Variants in ITFG1 observed in about 807,000 individuals in gnomAD.
ITFG1 encodes the protein T-cell immunomodulatory protein.
In ITFG1, 34 loss-of-function variants were observed where a neutral mutation model predicts 81.8. The ratio of observed to expected loss-of-function variants is 0.42; its 90% CI spans 0.32 to 0.55. The LOEUF (loss-of-function observed/expected upper bound fraction) is 0.55, where lower values mean the gene tolerates loss of function less well. ITFG1 is among the 20% of genes least tolerant of loss of function. The probability of loss-of-function intolerance (pLI) is 0.17; values close to 1 mark genes in which losing one functional copy is unlikely to be tolerated. For missense variants in ITFG1, 672 were observed against 755.4 expected, an observed-to-expected ratio of 0.89 and a Z score of 1.29; for synonymous variants, 285 against 270.6, an observed-to-expected ratio of 1.05 and a Z score of -0.52.
At chr16:47,208,882 A>G (rs1190339288) in intron 14 of ITFG1, among the ~76,000 whole-genome samples, 2 of 152,194 alleles carry the variant, frequency 1.3e-5, no homozygotes, top group African/African-American at 4.8e-5. Flanking sequence ...TTCCATGAGT[A>G]CAATGCAGGG....
Position 47,461,035 on chromosome 16 carries a change from G to A in ITFG1, c.11C>T (p.Ala4Val). 1.2e-5 allele frequency: 19 copies of A among 1,540,564 alleles called. No individual in the cohort carries two copies. Among genetic ancestry groups the A allele is most frequent in the Non-Finnish European group, 1.7e-5 (19 of 1,145,448 alleles). The change falls in exon 1 of 18, where the codon GCG becomes GTG. Residue 4 changes from alanine to valine, a missense_variant. Ala to Val is a moderately conservative substitution (Grantham distance 64). Coordinates refer to ENST00000320640, the MANE Select transcript of ITFG1 (RefSeq NM_030790.5). ...GGCCCAGGAGCTCGGGAGCCGGCCC[G>A]CCGCCGCCATGGCAGCCCCTCAGCC... MAAAGRLPSSWALF... is the reference protein window; with the variant it reads MAAVGRLPSSWALF...
chr16:47,439,038 G>A (rs912634184), intron 5 of ITFG1, among the ~76,000 whole-genome samples: 1 of 152,166 alleles, frequency 6.6e-6, no homozygotes, highest in Non-Finnish European at 1.5e-5. Flanking sequence ...CGTGACGAAT[G>A]CACAAGCCTC....
intron 6 of ITFG1, among the ~76,000 whole-genome samples, chr16:47,424,680 C>T (rs1263797257): frequency 6.6e-6 from 1 of 152,130 alleles, no homozygotes; most frequent in Non-Finnish European, 1.5e-5. Flanking sequence ...TTCCTTCTAA[C>T]AGTCAGGCCC....
intron 10 of ITFG1, among the ~76,000 whole-genome samples, chr16:47,297,183 T>A (rs1261826095): frequency 6.6e-6 from 1 of 152,198 alleles, no homozygotes; most frequent in Non-Finnish European, 1.5e-5. Flanking sequence ...TGACATTCTT[T>A]CTTTTTTACT....
At chr16:47,362,781 A>C in intron 8 of ITFG1, among the ~76,000 whole-genome samples, 1 of 152,174 alleles carries the variant, frequency 6.6e-6, no homozygotes, top group Middle Eastern at 3.2e-3. Context: ...AATGAAATGC[A>C]GTTTGGTTTC....
At chr16:47,216,235 T>C (rs1256810409) in intron 14 of ITFG1, among the ~76,000 whole-genome samples, 1 of 152,166 alleles carries the variant, frequency 6.6e-6, no homozygotes, top group East Asian at 1.9e-4. Flanking sequence ...AGTTTTGTTC[T>C]TGTCACCTAG....
chr16:47,278,165 G>A (rs1197474960), intron 10 of ITFG1, among the ~76,000 whole-genome samples: 3 of 152,118 alleles, frequency 2.0e-5, no homozygotes, highest in African/African-American at 4.8e-5. Flanking sequence ...CTTACTTAAC[G>A]GAGATTACAA....
chr16:47,156,810 G>A (rs182961539), intron 17 of ITFG1, among the ~76,000 whole-genome samples: 44 of 152,314 alleles, frequency 2.9e-4, no homozygotes, highest in African/African-American at 9.6e-4. Context: ...TAAAAAATAC[G>A]ACTGTGGAGT....
chr16:47,236,524 C>T (rs1261803862), intron 13 of ITFG1, among the ~76,000 whole-genome samples: 1 of 151,288 alleles, frequency 6.6e-6, no homozygotes, highest in Non-Finnish European at 1.5e-5. Flanking sequence ...CTATACAGCC[C>T]TTCCTATCAA....
chr16:47,354,928 C>T (rs1012667443), intron 8 of ITFG1, among the ~76,000 whole-genome samples: 20 of 151,974 alleles, frequency 1.3e-4, no homozygotes, highest in African/African-American at 4.3e-4. Context: ...GGAACCCTGA[C>T]ATATTGTTGG....
intron 8 of ITFG1, among the ~76,000 whole-genome samples, chr16:47,352,260 A>C (rs1220587443): frequency 3.9e-5 from 6 of 152,362 alleles, no homozygotes; most frequent in African/African-American, 1.4e-4. Flanking sequence ...CCACCATCAG[A>C]GTGAACAGGC....
intron 10 of ITFG1, among the ~76,000 whole-genome samples, chr16:47,294,288 T>A (rs1182022288): frequency 6.6e-6 from 1 of 152,166 alleles, no homozygotes; most frequent in Non-Finnish European, 1.5e-5. Context: ...TGAGATAAGA[T>A]AATATGATGA....
intron 6 of ITFG1, among the ~76,000 whole-genome samples, chr16:47,384,040 C>G (rs747335786): frequency 5.9e-5 from 9 of 152,180 alleles, no homozygotes; most frequent in Non-Finnish European, 1.0e-4. Flanking sequence ...ATGATGGACT[C>G]CTAGTCATGG....
At chr16:47,220,147 C>T (rs1965674610) in intron 13 of ITFG1, among the ~76,000 whole-genome samples, 1 of 152,242 alleles carries the variant, frequency 6.6e-6, no homozygotes, top group Admixed American at 6.5e-5. Context: ...CACCTATCAT[C>T]ACAGGCCAGT....
chr16:47,224,168 C>G (rs1310114206), intron 13 of ITFG1, among the ~76,000 whole-genome samples: 1 of 152,064 alleles, frequency 6.6e-6, no homozygotes, highest in East Asian at 1.9e-4. Context: ...ACATATGTAA[C>G]AAACCTGCAC....
rs532152407 is a variant in ITFG1 at position 47,396,783 on chromosome 16, C to T, written c.656-20843G>A. ...GCAGGGAGGGCACTTAAGCATGTAA[C>T]CTAGAGGGATAAGGGGTGGTAGTAG... is the stretch of plus-strand genomic sequence containing the variant. On this transcript the variant is annotated intron_variant, in intron 6 of 17. Transcript: ENST00000320640. Among the ~76,000 whole-genome samples, 134 of 152,106 alleles carry T rather than the reference C, an allele frequency of 8.8e-4. 1 individual carries two copies. Among genetic ancestry groups the T allele is most frequent in the African/African-American group, 3.2e-3 (133 of 41,494 alleles).
intron 17 of ITFG1, among the ~76,000 whole-genome samples, chr16:47,156,834 T>C (rs1255749574): frequency 6.6e-6 from 1 of 152,180 alleles, no homozygotes; most frequent in African/African-American, 2.4e-5. Flanking sequence ...ATGGAAGTCA[T>C]ATGCAGGCCA....
chr16:47,458,360 A>G (rs1969479643), intron 2 of ITFG1, among the ~76,000 whole-genome samples: 1 of 152,142 alleles, frequency 6.6e-6, no homozygotes, highest in African/African-American at 2.4e-5. Flanking sequence ...CCCAAAATTG[A>G]ACTTCCAAGT....
intron 2 of ITFG1, among the ~76,000 whole-genome samples, chr16:47,454,715 A>G (rs529556325): frequency 6.6e-6 from 1 of 152,186 alleles, no homozygotes; most frequent in East Asian, 1.9e-4. Flanking sequence ...TATATATCTA[A>G]CTTTATATGT....
Sources: gnomAD v4.1 joint callset for allele counts (sites outside exome capture counted in the v4.1 genomes callset) on GRCh38, gnomAD v4.1.1 for gene constraint, MANE v1.5 for transcripts, NCBI Gene and HGNC (gene_info 2026-07-23, HGNC 2026-07-21) for gene names.